Variants in FAM9C observed in about 807,000 individuals in gnomAD.
The protein encoded by FAM9C is protein FAM9C.
FAM9C carries 15 observed loss-of-function variants against 14.8 expected under a neutral mutation model. The observed-to-expected ratio is 1.02, with a 90% CI of 0.68 to 1.56. FAM9C has a LOEUF of 1.56. FAM9C is among the 40% of genes most tolerant of loss of function. FAM9C has a pLI of 0.00. For synonymous variants in FAM9C, 45 were observed against 37.5 expected (o/e 1.20, Z -0.74); for missense variants, 116 against 118.0 (o/e 0.98, Z 0.08).
chrX:13,042,263 A>T (rs1019288855), intron 4 of FAM9C: 5 of 112,221 alleles, frequency 4.5e-5, no homozygotes, highest in Non-Finnish European at 9.4e-5. Context: ...ATAGAAAATC[A>T]TCATTTTAGA....
chrX:13,035,752 T>C lies in FAM9C; in HGVS notation c.*292A>G, dbSNP rs191898203. The C allele has an allele frequency of 8.9e-6, 1 of 112,692 alleles. No individual in the cohort carries two copies. The highest frequency in any genetic ancestry group is 1.9e-5 in the Non-Finnish European group (1 of 53,234). The allele number at this position is 112,692 out of a possible 1,213,427, so 9.3% of individuals were successfully genotyped here. ...TTTAATGTTAAAATTTAATTGACTG[T>C]GTATGTAACTGTGCAATTGCTGCTT... On this transcript the variant is annotated 3_prime_UTR_variant, in exon 8 of 8. Coordinates refer to ENST00000380625, the MANE Select transcript of FAM9C (RefSeq NM_174901.6).
intron 5 of FAM9C, chrX:13,040,529 C>A: frequency 3.6e-6 from 1 of 279,755 alleles, no homozygotes; most frequent in South Asian, 1.5e-4. Flanking sequence ...GACTTTTTAT[C>A]TGGAAGGCAA....
chrX:13,043,598 A>G (rs956888018), intron 2 of FAM9C, 131 bp downstream of exon 2: 3 of 788,146 alleles, frequency 3.8e-6, no homozygotes, highest in African/African-American at 2.0e-5. Context: ...GGGGCATCTC[A>G]GCACATGCAC....
chrX:13,042,978 A>T, intron 3 of FAM9C, 29 bp from the exon 4 acceptor site: 1 of 1,180,422 alleles, frequency 8.5e-7, no homozygotes, highest in Non-Finnish European at 1.1e-6. Flanking sequence ...ACACAATTTT[A>T]ACATAATGCT....
Position 13,038,325 on chromosome X carries a change from T to C in FAM9C, c.*25+91A>G, listed in dbSNP as rs112861168. 1.4e-4 allele frequency: 98 copies of C among 719,013 alleles called. 1 individual carries two copies. The African/African-American group carries it at 1.7e-3, about 12-fold the overall frequency. 59.3% of individuals were successfully genotyped at this position (719,013 alleles called of 1,213,427 possible). On this transcript the variant is annotated intron_variant, in intron 7 of 7. Transcript: ENST00000380625. ...TTAAAATGTATAACCAAAATGTCTT[T>C]CCATACATTCAGAAACAAGCAGATT...
Position 13,042,969 on chromosome X carries a change from C to A in FAM9C, c.183-20G>T, listed in dbSNP as rs187012777. ...TCAACCCTGTAACAAAAAGTTGCAA[C>A]ACAATTTTAACATAATGCTACACAA... is the stretch of plus-strand genomic sequence containing the variant. On this transcript the variant is annotated intron_variant, in intron 3 of 7. Transcript: ENST00000380625. 2,565 of 1,179,967 alleles carry A rather than the reference C, an allele frequency of 2.2e-3. 2 individuals carry two copies. The highest frequency in any genetic ancestry group is 2.7e-3 in the Non-Finnish European group (2,348 of 882,317).
chrX:13,043,260 T>TA lies in FAM9C; in HGVS notation c.62-13dup. ...TACTGGATCCTTTCCTGCATTAAAA[T>TA]AAAAAAGACAAACCTTTTTTAGAGG... On this transcript the variant is annotated splice_polypyrimidine_tract_variant and intron_variant, in intron 2 of 7. Transcript: ENST00000380625. 1 of 1,189,858 alleles carries TA rather than the reference T, an allele frequency of 8.4e-7. No homozygotes were observed. Among genetic ancestry groups the TA allele is most frequent in the Non-Finnish European group, 1.1e-6 (1 of 888,202 alleles).
chrX:13,043,640 G>T (rs1240766085), intron 2 of FAM9C, 89 bp downstream of exon 2: 16 of 1,072,190 alleles, frequency 1.5e-5, no homozygotes, highest in Non-Finnish European at 2.1e-5. Flanking sequence ...GGGGCCGGGG[G>T]CCTCGGGCTG....
At chrX:13,038,373 T>C in intron 7 of FAM9C, 43 bp downstream of exon 7, 8 of 1,000,496 alleles carry the variant, frequency 8.0e-6, no homozygotes, top group Non-Finnish European at 1.1e-5. Flanking sequence ...TATGCATGTG[T>C]TGTATTTTAT....
Position 13,043,379 on chromosome X carries a change from A to G in FAM9C, c.62-131T>C, listed in dbSNP as rs1399371431. 8.9e-6 allele frequency: 8 copies of G among 898,569 alleles called. No homozygotes were observed. In the East Asian group the frequency reaches 1.9e-4, roughly 22 times the overall value. 74.1% of individuals were successfully genotyped at this position (898,569 alleles called of 1,213,427 possible). On this transcript the variant is annotated intron_variant, in intron 2 of 7. Coordinates refer to ENST00000380625, the MANE Select transcript of FAM9C (RefSeq NM_174901.6). The stretch of plus-strand genomic sequence containing the variant: ...TTAAAGCTTTACCGCAGAGCTATAC[A>G]TGGAATCGCCGGCTCCTAACCATTT...
In FAM9C at chrX:13,043,131, G is replaced by A. The variant is rs1219703037; in HGVS notation, c.179C>T (p.Thr60Met). ...AAAAGGGACTTAAACACTTTACCCC[G>A]TGTGTTCATCTGTTTCAGCAAAAGA... ...RGSFAETDEH[T>M]GVDTKELEDI... is the part of the protein sequence containing the mutation. The change falls in exon 3 of 8, where the codon ACG (threonine) becomes ATG (methionine). Residue 60 changes from threonine to methionine, a missense_variant. Coordinates refer to ENST00000380625, the MANE Select transcript of FAM9C (RefSeq NM_174901.6). 2.5e-6 allele frequency: 3 copies of A among 1,203,644 alleles called. No individual in the cohort carries two copies. The highest frequency in any genetic ancestry group is 3.4e-6 in the Non-Finnish European group (3 of 893,179).
At chrX:13,041,781 T>G (rs2043529931) in intron 4 of FAM9C, 1 of 112,495 alleles carries the variant, frequency 8.9e-6, no homozygotes, top group Non-Finnish European at 1.9e-5. Flanking sequence ...TTATCCACAG[T>G]GCAGTGTTTC....
intron 7 of FAM9C, chrX:13,036,761 C>T (rs1421848245): frequency 1.8e-5 from 2 of 111,481 alleles, no homozygotes; most frequent in Non-Finnish European, 3.8e-5. Flanking sequence ...AAAATGAATA[C>T]ACAATCTCTT....
In FAM9C at chrX:13,043,804, T is replaced by G; in HGVS notation, c.-15A>C. ...TTGGCAGCCATCCTGCTGCCCTTCCTGCCCACGGGCTCCGTGGCTGACTGG... is the reference window on the plus strand; with the variant it reads ...TTGGCAGCCATCCTGCTGCCCTTCCGGCCCACGGGCTCCGTGGCTGACTGG... On this transcript the variant is annotated 5_prime_UTR_variant, in exon 2 of 8. Coordinates refer to ENST00000380625, the MANE Select transcript of FAM9C (RefSeq NM_174901.6). 1 of 1,211,171 alleles carries G rather than the reference T, an allele frequency of 8.3e-7. No homozygotes were observed. Among genetic ancestry groups the G allele is most frequent in the Non-Finnish European group, 1.1e-6 (1 of 894,560 alleles).
At chrX:13,038,581 C>A in intron 6 of FAM9C, 78 bp from the exon 7 acceptor site, 1 of 867,955 alleles carries the variant, frequency 1.2e-6, no homozygotes, top group East Asian at 3.5e-5. Context: ...TAAAGAAATA[C>A]TCTTTAAATC....
intron 4 of FAM9C, chrX:13,042,009 A>G (rs1295934458): frequency 8.9e-6 from 1 of 112,763 alleles, no homozygotes; most frequent in Non-Finnish European, 1.9e-5. Context: ...TATACTGCTT[A>G]TATGAATTAT....
Position 13,044,591 on chromosome X carries a change from G to T in FAM9C, c.-120C>A, listed in dbSNP as rs1377987781. 2 of 112,280 alleles carry T rather than the reference G, an allele frequency of 1.8e-5. No individual in the cohort carries two copies. Among genetic ancestry groups the T allele is most frequent in the Non-Finnish European group, 3.8e-5 (2 of 53,043 alleles). 9.3% of individuals were successfully genotyped at this position (112,280 alleles called of 1,213,427 possible). ...CAGAGGACCTGCAGAGGCTGGCACC[G>T]CGAAGCTCCTCCGAGGGCCTGGGTC... On this transcript the variant is annotated 5_prime_UTR_variant, in exon 1 of 8. Transcript: ENST00000380625.
At chrX:13,037,135 A>G (rs1302604611) in intron 7 of FAM9C, 2 of 112,034 alleles carry the variant, frequency 1.8e-5, no homozygotes, top group East Asian at 5.6e-4. Context: ...GGGAAGAGTG[A>G]AGGGCTAGAA....
chrX:13,041,496 T>C (rs1437755927), intron 4 of FAM9C: 4 of 112,047 alleles, frequency 3.6e-5, no homozygotes, highest in Non-Finnish European at 3.8e-5. Flanking sequence ...TCTACATTTA[T>C]AAAATGTCCT....
Sources: allele counts gnomAD v4.1 joint callset, GRCh38; gene constraint gnomAD v4.1.1; transcripts MANE v1.5; gene names NCBI Gene and HGNC (gene_info 2026-07-23, HGNC 2026-07-21).